Variants in ZNF551 observed in about 807,000 individuals in gnomAD.
ZNF551 encodes the protein KOX 23 protein (56 AA).
ZNF551 carries 5 observed loss-of-function variants against 7.9 expected under a neutral mutation model. The ratio of observed to expected loss-of-function variants is 0.63; its 90% CI spans 0.33 to 1.33. The LOEUF is 1.33. Ranked by LOEUF, ZNF551 falls within the 40% of genes most tolerant of loss-of-function variation. ZNF551 has a pLI of 0.05. For synonymous variants in ZNF551, 287 were observed against 277.3 expected, an observed-to-expected ratio of 1.03 and a Z score of -0.35; for missense variants, 788 against 825.2, an observed-to-expected ratio of 0.95 and a Z score of 0.55.
rs940040067 is a variant in ZNF551, at chr19:57,689,327, A to G, written c.*1039A>G. 5 of 152,164 alleles carry G rather than the reference A, an allele frequency of 3.3e-5. No individual in the cohort carries two copies. Among genetic ancestry groups the G allele is most frequent in the Non-Finnish European group, 5.9e-5 (4 of 68,032 alleles). 9.4% of individuals were successfully genotyped at this position (152,164 alleles called of 1,614,324 possible). ...TGTCAGACTATAGGTGTGGAGGTGA[A>G]ATTACAGGTTCAACAGTAATTGGGA... On this transcript the variant is annotated 3_prime_UTR_variant, in exon 3 of 3. Coordinates refer to ENST00000282296, the MANE Select transcript of ZNF551 (RefSeq NM_138347.5).
At chr19:57,684,839 G>A (rs752150) in intron 1 of ZNF551, among the ~76,000 whole-genome samples, 24,174 of 151,636 alleles carry the variant, frequency 0.16, 1,986 homozygotes, top group East Asian at 0.25. Flanking sequence ...AGAAGAGAGA[G>A]AATAAACTGA....
rs2122344137 is a variant in ZNF551, at chr19:57,688,549, A to G, written c.*261A>G. The stretch of plus-strand genomic sequence containing the variant: ...CACCTGGCAGGTGCACACCATGTGC[A>G]TGAGTCACTTCCCCACAGTGCTCAG... On this transcript the variant is annotated 3_prime_UTR_variant, in exon 3 of 3. Coordinates refer to ENST00000282296, the MANE Select transcript of ZNF551 (RefSeq NM_138347.5). 2 of 514,858 alleles carry G rather than the reference A, an allele frequency of 3.9e-6. No individual in the cohort carries two copies. The highest frequency in any genetic ancestry group is 6.4e-5 in the Admixed American group (2 of 31,090). 31.9% of individuals were successfully genotyped at this position (514,858 alleles called of 1,614,324 possible).
intron 1 of ZNF551, among the ~76,000 whole-genome samples, chr19:57,684,282 G>A (rs1336537005): frequency 1.3e-5 from 2 of 152,180 alleles, no homozygotes; most frequent in African/African-American, 4.8e-5. Flanking sequence ...GTAACCAGTT[G>A]GGAGGCCAAG....
At position 57,686,877 on chromosome 19, in the gene ZNF551, G is replaced by C. The variant is rs1249028899; in HGVS notation, c.602G>C (p.Ser201Thr). The C allele has an allele frequency of 1.2e-6, 2 of 1,614,056 alleles. No individual in the cohort carries two copies. The highest frequency in any genetic ancestry group is 1.7e-6 in the Non-Finnish European group (2 of 1,180,030). Residue 201 changes from serine to threonine, a missense_variant, in exon 3 of 3, where the codon AGT becomes ACT. Transcript: ENST00000282296. ...CTACTCCAACACGAAGCCACTCCCA[G>C]TGGTGAGGAGCCACACAGTAGCAGC... ...TDLLQHEATP[S>T]GEEPHSSSSK...
In ZNF551 at chr19:57,686,749, G is replaced by A. The variant is rs374066586; in HGVS notation, c.474G>A (p.Glu158=). ...HQHQKHYNEE[E]PWKRKVDEAT... is the part of the protein sequence containing the mutation. ...ATCAAAAGCATTACAATGAAGAAGAGCCCTGGAAAAGGAAGGTGGATGAGG... is the reference window on the plus strand; with the variant it reads ...ATCAAAAGCATTACAATGAAGAAGAACCCTGGAAAAGGAAGGTGGATGAGG... Residue 158 remains glutamate (E), a synonymous_variant, in exon 3 of 3, where the codon GAG becomes GAA. Transcript: ENST00000282296. The A allele has an allele frequency of 1.2e-6, 2 of 1,614,066 alleles. No homozygotes were observed. The highest frequency in any genetic ancestry group is 1.7e-5 in the Admixed American group (1 of 59,998).
intron 1 of ZNF551, among the ~76,000 whole-genome samples, chr19:57,684,321 AAGCTGT>A (rs1457243083): frequency 6.6e-6 from 1 of 152,156 alleles, no homozygotes; most frequent in African/African-American, 2.4e-5. Flanking sequence ...GGCAGGAAGT[AAGCTGT>A]GGCTGTGGGA....
chr19:57,685,573 C>T (rs1044933087), intron 2 of ZNF551, 188 bp downstream of exon 2: 1 of 795,850 alleles, frequency 1.3e-6, no homozygotes, highest in South Asian at 1.5e-5. Flanking sequence ...CTGCCATTTC[C>T]TTATGTCCAC....
At position 57,689,314 on chromosome 19, in the gene ZNF551, G is replaced by A. The variant is rs1015303370; in HGVS notation, c.*1026G>A. On this transcript the variant is annotated 3_prime_UTR_variant, in exon 3 of 3. Transcript: ENST00000282296. Reference sequence around the variant, plus strand: ...TGGTGCCATTTGTTGTCAGACTATAGGTGTGGAGGTGAAATTACAGGTTCA... The same window carrying A: ...TGGTGCCATTTGTTGTCAGACTATAAGTGTGGAGGTGAAATTACAGGTTCA... The A allele has an allele frequency of 1.3e-5, 2 of 152,064 alleles. No homozygotes were observed. Among genetic ancestry groups the A allele is most frequent in the African/African-American group, 4.8e-5 (2 of 41,372 alleles). The allele number at this position is 152,064 out of a possible 1,614,324, so 9.4% of individuals were successfully genotyped here. A position where few individuals can be genotyped will look rare whatever the true frequency, so the allele number is the denominator to read the frequency against.
At chr19:57,685,019 C>T (rs557069106) in intron 1 of ZNF551, among the ~76,000 whole-genome samples, 5 of 152,220 alleles carry the variant, frequency 3.3e-5, no homozygotes, top group South Asian at 2.1e-4. Flanking sequence ...TTGTGAGTAA[C>T]GAGAGGTATA....
At chr19:57,686,089 T>C (rs1250668327) in intron 2 of ZNF551, among the ~76,000 whole-genome samples, 1 of 152,242 alleles carries the variant, frequency 6.6e-6, no homozygotes, top group African/African-American at 2.4e-5. Flanking sequence ...CTCACTGTGT[T>C]GTGAGGTATG....
intron 2 of ZNF551, chr19:57,685,586 A>C (rs1479437535): frequency 1.4e-6 from 1 of 730,692 alleles, no homozygotes; most frequent in Admixed American, 2.3e-5. Context: ...ATGTCCACCT[A>C]TATCAGAAAT....
Position 57,686,530 on chromosome 19 carries a change from A to G in ZNF551, c.255A>G (p.Val85=), listed in dbSNP as rs144584397. Residue 85 remains valine, a synonymous_variant, in exon 3 of 3, where the codon GTA becomes GTG. Coordinates refer to ENST00000282296, the MANE Select transcript of ZNF551 (RefSeq NM_138347.5). ...ENEAIASEQS[V]SIQVRTSKGN... ...AGGCGATAGCTTCTGAGCAGAGTGT[A>G]TCTATACAGGTCAGGACTTCTAAGG... The G allele has an allele frequency of 6.2e-7, 1 of 1,614,096 alleles. No homozygotes were observed. The highest frequency in any genetic ancestry group is 8.5e-7 in the Non-Finnish European group (1 of 1,180,042).
Position 57,687,669 on chromosome 19 carries a change from A to C in ZNF551, c.1394A>C (p.His465Pro). The stretch of plus-strand genomic sequence containing the variant: ...AGACAATTCTCTAACCTCATTCGAC[A>C]CCGCAGCATTCACACTGGTGATAGG... ...SFRQFSNLIRHRSIHTGDRPY... is the reference protein window; with the variant it reads ...SFRQFSNLIRPRSIHTGDRPY... Residue 465 changes from histidine to proline, a missense_variant, in exon 3 of 3, where the codon CAC becomes CCC. Coordinates refer to ENST00000282296, the MANE Select transcript of ZNF551 (RefSeq NM_138347.5). 1.9e-6 allele frequency: 3 copies of C among 1,614,216 alleles called. No individual in the cohort carries two copies. Among genetic ancestry groups the C allele is most frequent in the Non-Finnish European group, 2.5e-6 (3 of 1,180,048 alleles).
rs576177920 is a variant in ZNF551 at position 57,682,036 on chromosome 19, C to T, written c.-128C>T. ...TGGCCTCTGTCCTGTTTGTCCAGCCCGCCAGTTTCTGCAGTGGAGGTCGCG... is the reference window on the plus strand; with the variant it reads ...TGGCCTCTGTCCTGTTTGTCCAGCCTGCCAGTTTCTGCAGTGGAGGTCGCG... On this transcript the variant is annotated 5_prime_UTR_variant, in exon 1 of 3. Coordinates refer to ENST00000282296, the MANE Select transcript of ZNF551 (RefSeq NM_138347.5). 7 of 1,008,214 alleles carry T rather than the reference C, an allele frequency of 6.9e-6. No homozygotes were observed. Among genetic ancestry groups the T allele is most frequent in the South Asian group, 4.8e-5 (3 of 62,872 alleles). 62.5% of individuals were successfully genotyped at this position (1,008,214 alleles called of 1,614,324 possible).
chr19:57,685,548 G>A, intron 2 of ZNF551, 163 bp downstream of exon 2: 1 of 1,081,360 alleles, frequency 9.2e-7, no homozygotes. Context: ...CCCAGTTTCT[G>A]CCCTTTTCCT....
intron 1 of ZNF551, among the ~76,000 whole-genome samples, chr19:57,683,556 C>G (rs1249198733): frequency 6.6e-6 from 1 of 152,098 alleles, no homozygotes; most frequent in East Asian, 1.9e-4. Flanking sequence ...GGAGACTTTT[C>G]CAAAAGGTAG....
chr19:57,683,329 AAG>A (rs1229659932), intron 1 of ZNF551, among the ~76,000 whole-genome samples: 1 of 151,488 alleles, frequency 6.6e-6, no homozygotes, highest in Non-Finnish European at 1.5e-5. Flanking sequence ...AGTTTTGAGA[AAG>A]AGAGTGGAGT....
intron 1 of ZNF551, among the ~76,000 whole-genome samples, chr19:57,684,185 C>T (rs1984478269): frequency 6.6e-6 from 1 of 152,102 alleles, no homozygotes; most frequent in Non-Finnish European, 1.5e-5. Context: ...CTTGAGGCTG[C>T]CCCTAACTTT....
In ZNF551 at chr19:57,688,508, C is replaced by G; in HGVS notation, c.*220C>G. The G allele has an allele frequency of 1.6e-6, 1 of 623,738 alleles. No homozygotes were observed. Among genetic ancestry groups the G allele is most frequent in the Non-Finnish European group, 2.7e-6 (1 of 369,516 alleles). The allele number at this position is 623,738 out of a possible 1,614,324, so 38.6% of individuals were successfully genotyped here. ...CCAATTTCTGAGGCTGAAGCCATTT[C>G]ACATTTCACCCCTACCACCTGGCAG... On this transcript the variant is annotated 3_prime_UTR_variant, in exon 3 of 3. Coordinates refer to ENST00000282296, the MANE Select transcript of ZNF551 (RefSeq NM_138347.5).
Sources: gnomAD v4.1 joint callset for allele counts (sites outside exome capture counted in the v4.1 genomes callset) on GRCh38, gnomAD v4.1.1 for gene constraint, MANE v1.5 for transcripts, NCBI Gene and HGNC (gene_info 2026-07-23, HGNC 2026-07-21) for gene names.